The following RANBP17 variants were observed in gnomAD, a reference collection of about 807,000 sequenced individuals.
The protein encoded by RANBP17 is ran-binding protein 17.
Under a neutral mutation model 141.2 loss-of-function variants are expected in RANBP17, and 158 were observed. The ratio of observed to expected loss-of-function variants is 1.12; its 90% CI spans 0.98 to 1.28. The LOEUF is 1.28. Ranked by LOEUF, RANBP17 falls within the 50% of genes most tolerant of loss-of-function variation. The pLI, the probability that RANBP17 is intolerant of heterozygous loss-of-function variation, is 0.00. For missense variants in RANBP17, 1,438 were observed against 1,290.7 expected (o/e 1.11, Z -1.75); for synonymous variants, 430 against 450.0 (o/e 0.96, Z 0.56).
chr5:170,874,144 T>G (rs1339461892), intron 1 of RANBP17, among the ~76,000 whole-genome samples: 2 of 152,184 alleles, frequency 1.3e-5, no homozygotes, highest in Non-Finnish European at 2.9e-5. Context: ...TGTGTAGTTG[T>G]GTGGTTTTGA....
At position 170,911,043 on chromosome 5, in the gene RANBP17, T is replaced by C; in HGVS notation, c.669T>C (p.Leu223=). ...NLVMQVLKLV[L]NCLNFDFIGS... ...TAATGCAGGTCTTGAAACTGGTCCT[T>C]AACTGCCTTAACTTTGACTTCATTG... The change falls in exon 7 of 28, where the codon CTT becomes CTC. Residue 223 remains leucine (L), a synonymous_variant. Coordinates refer to ENST00000523189, the MANE Select transcript of RANBP17 (RefSeq NM_022897.5). 1 of 1,612,286 alleles carries C rather than the reference T, an allele frequency of 6.2e-7. No individual in the cohort carries two copies. Among genetic ancestry groups the C allele is most frequent in the Non-Finnish European group, 8.5e-7 (1 of 1,178,760 alleles).
rs748440499 is a variant in RANBP17 at position 171,241,140 on chromosome 5, C to G, written c.2635C>G (p.Leu879Val). 9 of 1,608,844 alleles carry G rather than the reference C, an allele frequency of 5.6e-6. No homozygotes were observed. The highest frequency in any genetic ancestry group is 6.0e-6 in the Non-Finnish European group (7 of 1,175,912). Residue 879 changes from leucine to valine, a missense_variant and splice_region_variant, in exon 23 of 28, where the codon CTA becomes GTA. Coordinates refer to ENST00000523189, the MANE Select transcript of RANBP17 (RefSeq NM_022897.5). Reference sequence around the variant, plus strand: ...GCTGTCAGTGTCCCACAGTGACTTGCTAGTAAGCAATCATGCATCATGGGA... The same window carrying G: ...GCTGTCAGTGTCCCACAGTGACTTGGTAGTAAGCAATCATGCATCATGGGA... The part of the protein sequence containing the change: ...MLLSVSHSDL[L>V]QYRKLSQSYY...
chr5:171,185,793 T>C (rs756841355), intron 18 of RANBP17, among the ~76,000 whole-genome samples: 3 of 152,224 alleles, frequency 2.0e-5, no homozygotes, highest in Non-Finnish European at 4.4e-5. Context: ...AATGTTGATA[T>C]TATGACCTCC....
intron 24 of RANBP17, among the ~76,000 whole-genome samples, chr5:171,259,732 G>A (rs890350923): frequency 6.6e-6 from 1 of 152,192 alleles, no homozygotes; most frequent in African/African-American, 2.4e-5. Context: ...CGTAATCCCA[G>A]CACTTTGGGA....
chr5:170,986,193 C>T (rs1227709089), intron 14 of RANBP17, among the ~76,000 whole-genome samples: 1 of 151,976 alleles, frequency 6.6e-6, no homozygotes, highest in Non-Finnish European at 1.5e-5. Flanking sequence ...CCACAAGTTT[C>T]TAAAGAGGAT....
At chr5:171,183,251 TAATG>T in intron 17 of RANBP17, 21 bp downstream of exon 17, 1 of 1,588,670 alleles carries the variant, frequency 6.3e-7, no homozygotes, top group Non-Finnish European at 8.6e-7. Flanking sequence ...TTTCTTTAAT[TAATG>T]AATAACATTT....
At chr5:171,232,592 C>T (rs1402611184) in intron 22 of RANBP17, among the ~76,000 whole-genome samples, 1 of 151,918 alleles carries the variant, frequency 6.6e-6, no homozygotes. Flanking sequence ...TTAAATTTTC[C>T]ATTTTTCACT....
At chr5:170,938,263 A>G (rs1019776901) in intron 12 of RANBP17, among the ~76,000 whole-genome samples, 7 of 152,222 alleles carry the variant, frequency 4.6e-5, no homozygotes, top group African/African-American at 1.7e-4. Context: ...TTGAACCCTC[A>G]AAAGGGTATA....
chr5:170,866,042 A>ATGAT (rs1227768220), intron 1 of RANBP17, among the ~76,000 whole-genome samples: 1 of 152,122 alleles, frequency 6.6e-6, no homozygotes. Flanking sequence ...GTTCTTAGGT[A>ATGAT]TGATTGATTG....
intron 18 of RANBP17, among the ~76,000 whole-genome samples, chr5:171,191,582 G>T (rs1761637798): frequency 6.6e-6 from 1 of 152,088 alleles, no homozygotes; most frequent in Admixed American, 6.5e-5. Flanking sequence ...AGCTACTCGG[G>T]AGGCTGAGGC....
intron 19 of RANBP17, among the ~76,000 whole-genome samples, chr5:171,200,030 C>G (rs1246950641): frequency 2.0e-5 from 3 of 152,126 alleles, no homozygotes; most frequent in Non-Finnish European, 4.4e-5. Flanking sequence ...CAGTTACTAT[C>G]TTTAATAGGA....
intron 1 of RANBP17, among the ~76,000 whole-genome samples, chr5:170,870,369 C>G (rs761818234): frequency 1.3e-5 from 2 of 151,880 alleles, no homozygotes; most frequent in Non-Finnish European, 2.9e-5. Flanking sequence ...CTCTCTCCCT[C>G]CCCTCACCCC....
At chr5:171,148,560 C>G (rs1758242188) in intron 14 of RANBP17, among the ~76,000 whole-genome samples, 1 of 151,526 alleles carries the variant, frequency 6.6e-6, no homozygotes, top group South Asian at 2.1e-4. Flanking sequence ...ATAGTTTAAT[C>G]CTGTCTAGTA....
intron 14 of RANBP17, among the ~76,000 whole-genome samples, chr5:171,061,918 CTTCT>C (rs1188692521): frequency 6.6e-6 from 1 of 152,048 alleles, no homozygotes; most frequent in Non-Finnish European, 1.5e-5. Context: ...ATGTAATGGC[CTTCT>C]TTGTCTCTTT....
intron 13 of RANBP17, among the ~76,000 whole-genome samples, chr5:170,958,701 G>A (rs1412875457): frequency 6.6e-6 from 1 of 152,048 alleles, no homozygotes; most frequent in Non-Finnish European, 1.5e-5. Context: ...TGAAGCTCCT[G>A]CCAAAACTTC....
At chr5:171,067,434 G>A (rs578053887) in intron 14 of RANBP17, among the ~76,000 whole-genome samples, 72 of 152,088 alleles carry the variant, frequency 4.7e-4, no homozygotes, top group African/African-American at 1.5e-3. Flanking sequence ...AATAATATTG[G>A]CATTTATTTA....
At chr5:170,879,488 A>G (rs775558897) in intron 2 of RANBP17, among the ~76,000 whole-genome samples, 2 of 152,126 alleles carry the variant, frequency 1.3e-5, no homozygotes, top group Admixed American at 6.5e-5. Flanking sequence ...ACTTTTGACA[A>G]TGTGGGAAGT....
intron 13 of RANBP17, among the ~76,000 whole-genome samples, chr5:170,967,462 C>T (rs866055752): frequency 6.6e-6 from 1 of 151,888 alleles, no homozygotes; most frequent in Non-Finnish European, 1.5e-5. Context: ...GCACAAGGTA[C>T]TTGGCGGTCA....
chr5:171,108,323 A>G (rs143774819), intron 14 of RANBP17, among the ~76,000 whole-genome samples: 286 of 152,276 alleles, frequency 1.9e-3, no homozygotes, highest in African/African-American at 6.3e-3. Context: ...ACATATGTCA[A>G]ATTTTACTAG....
Sources: allele counts gnomAD v4.1 joint callset (sites outside exome capture counted in the v4.1 genomes callset), GRCh38; gene constraint gnomAD v4.1.1; transcripts MANE v1.5; gene names NCBI Gene and HGNC (gene_info 2026-07-23, HGNC 2026-07-21).